The following POU6F2 variants were observed in gnomAD, a reference collection of about 807,000 sequenced individuals.
POU6F2 encodes POU domain, class 6, transcription factor 2.
A neutral mutation model predicts 71.3 loss-of-function variants in POU6F2; 31 were observed. The ratio of observed to expected loss-of-function variants is 0.43; its 90% CI spans 0.33 to 0.59. The LOEUF (loss-of-function observed/expected upper bound fraction) is 0.59. Ranked by LOEUF, POU6F2 falls within the 20% of genes least tolerant of loss-of-function variation. The pLI, the probability that POU6F2 is intolerant of heterozygous loss-of-function variation, is 0.04. For missense variants in POU6F2, 783 were observed against 856.8 expected, an observed-to-expected ratio of 0.91 and a Z score of 1.07; for synonymous variants, 347 against 355.7, an observed-to-expected ratio of 0.98 and a Z score of 0.27.
intron 2 of POU6F2, among the ~76,000 whole-genome samples, chr7:39,127,498 A>G (rs1486986560): frequency 6.6e-6 from 1 of 152,232 alleles, no homozygotes; most frequent in Admixed American, 6.5e-5. Context: ...TCTACCAATG[A>G]GCTGACATCC....
chr7:39,022,132 CCTT>C (rs927190689), intron 1 of POU6F2, among the ~76,000 whole-genome samples: 354 of 151,688 alleles, frequency 2.3e-3, no homozygotes, highest in African/African-American at 8.1e-3. Context: ...TTAATGCTTT[CCTT>C]CTTCTTCTCT....
chr7:39,179,545 A>T (rs1207644971), intron 2 of POU6F2, among the ~76,000 whole-genome samples: 1 of 152,216 alleles, frequency 6.6e-6, no homozygotes, highest in African/African-American at 2.4e-5. Flanking sequence ...ACACACACAC[A>T]CACACGCACA....
intron 1 of POU6F2, among the ~76,000 whole-genome samples, chr7:39,030,107 TG>T (rs1252078630): frequency 6.6e-6 from 1 of 152,088 alleles, no homozygotes; most frequent in Non-Finnish European, 1.5e-5. Context: ...AATTACTTTT[TG>T]AAAGTTTCAC....
chr7:39,071,286 T>G (rs1416319087), intron 1 of POU6F2, among the ~76,000 whole-genome samples: 1 of 151,806 alleles, frequency 6.6e-6, no homozygotes, highest in Non-Finnish European at 1.5e-5. Context: ...TTTGTGCTCC[T>G]ACGAGAATCT....
At chr7:39,200,400 T>C (rs1793874351) in intron 2 of POU6F2, among the ~76,000 whole-genome samples, 1 of 152,232 alleles carries the variant, frequency 6.6e-6, no homozygotes, top group Admixed American at 6.5e-5. Context: ...AGCCATGGTA[T>C]ATGTAAAAAT....
intron 2 of POU6F2, among the ~76,000 whole-genome samples, chr7:39,092,172 CAG>C: frequency 6.6e-6 from 1 of 152,310 alleles, no homozygotes; most frequent in Non-Finnish European, 1.5e-5. Context: ...GGCACCCTGT[CAG>C]GGGGCAATCT....
chr7:39,183,678 A>G (rs999444381), intron 2 of POU6F2, among the ~76,000 whole-genome samples: 27 of 152,184 alleles, frequency 1.8e-4, no homozygotes, highest in African/African-American at 6.3e-4. Context: ...GTCTTCCACA[A>G]AACTGGTCCC....
intron 6 of POU6F2, among the ~76,000 whole-genome samples, chr7:39,413,934 G>A (rs763796235): frequency 2.8e-4 from 42 of 151,992 alleles, no homozygotes; most frequent in Admixed American, 1.2e-3. Flanking sequence ...GGAAAATAAC[G>A]AGCCCCTCAA....
intron 1 of POU6F2, chr7:39,012,996 G>T (rs1214197522): frequency 2.0e-5 from 3 of 152,238 alleles, no homozygotes; most frequent in African/African-American, 7.2e-5. Flanking sequence ...TCTGTGCCCT[G>T]CCCCCAGAGG....
chr7:39,278,864 A>G (rs746405615), intron 4 of POU6F2, among the ~76,000 whole-genome samples: 2 of 152,086 alleles, frequency 1.3e-5, no homozygotes, highest in Admixed American at 6.5e-5. Context: ...CACCATCCAC[A>G]TGTTCCTCAG....
chr7:39,416,769 A>G (rs868834438), intron 6 of POU6F2, among the ~76,000 whole-genome samples: 2 of 151,974 alleles, frequency 1.3e-5, no homozygotes, highest in African/African-American at 4.8e-5. Flanking sequence ...TTTAACAAGT[A>G]TATCAATTGT....
intron 4 of POU6F2, among the ~76,000 whole-genome samples, chr7:39,237,935 T>C (rs929712068): frequency 1.3e-5 from 2 of 152,148 alleles, no homozygotes; most frequent in African/African-American, 4.8e-5. Context: ...GTTTTCTCCA[T>C]TTCTCGTGTT....
chr7:39,236,274 T>C lies in POU6F2; in HGVS notation c.598+28654T>C, dbSNP rs139868219. On this transcript the variant is annotated intron_variant, in intron 4 of 9. Coordinates refer to ENST00000518318, the MANE Select transcript of POU6F2 (RefSeq NM_001370959.1). The stretch of plus-strand genomic sequence containing the variant: ...TGGATGCATTCAAGGTTAAACACAG[T>C]GATGAGTACTCTGAGAATATAACTA... Among the ~76,000 whole-genome samples, 7 of 152,286 alleles carry C rather than the reference T, an allele frequency of 4.6e-5. No homozygotes were observed. The East Asian group carries it at 1.4e-3, about 29-fold the overall frequency.
At chr7:39,275,357 C>A (rs1195457731) in intron 4 of POU6F2, among the ~76,000 whole-genome samples, 1 of 152,088 alleles carries the variant, frequency 6.6e-6, no homozygotes, top group Non-Finnish European at 1.5e-5. Context: ...ACGTGAAGGA[C>A]CTCTTCAAGG....
intron 4 of POU6F2, among the ~76,000 whole-genome samples, chr7:39,336,139 C>T (rs1227600199): frequency 6.6e-6 from 1 of 152,210 alleles, no homozygotes; most frequent in African/African-American, 2.4e-5. Context: ...ATACAACTTG[C>T]CACTTTAACT....
chr7:39,150,987 A>C (rs187067388), intron 2 of POU6F2, among the ~76,000 whole-genome samples: 14 of 152,214 alleles, frequency 9.2e-5, no homozygotes, highest in African/African-American at 3.4e-4. Context: ...TCTGAAAAAA[A>C]AATTCTTCTG....
At chr7:39,015,852 G>T (rs868177419) in intron 1 of POU6F2, among the ~76,000 whole-genome samples, 10 of 57,054 alleles carry the variant, frequency 1.8e-4, no homozygotes, top group African/African-American at 2.7e-4. Context: ...ATTATATATA[G>T]ATATATATAA....
At chr7:39,075,198 A>G (rs2128718899) in intron 1 of POU6F2, among the ~76,000 whole-genome samples, 1 of 152,222 alleles carries the variant, frequency 6.6e-6, no homozygotes, top group Admixed American at 6.5e-5. Flanking sequence ...TGTCTTAGCA[A>G]TTTTACCATC....
At chr7:39,200,088 A>G (rs1311180691) in intron 2 of POU6F2, among the ~76,000 whole-genome samples, 1 of 152,206 alleles carries the variant, frequency 6.6e-6, no homozygotes, top group Non-Finnish European at 1.5e-5. Context: ...ATTATGATGA[A>G]AGAATGGTGC....
Sources: allele counts gnomAD v4.1 joint callset (sites outside exome capture counted in the v4.1 genomes callset), GRCh38; gene constraint gnomAD v4.1.1; transcripts MANE v1.5; gene names NCBI Gene and HGNC (gene_info 2026-07-23, HGNC 2026-07-21).